The following ZNF564 variants were observed in gnomAD, a reference collection of about 807,000 sequenced individuals.
ZNF564 encodes zinc finger protein 564.
ZNF564 carries 5 observed loss-of-function variants against 10.5 expected under a neutral mutation model. That is an observed-to-expected ratio of 0.48 (90% confidence interval 0.25 to 1.00). The LOEUF (loss-of-function observed/expected upper bound fraction) is 1.00. Ranked by LOEUF, ZNF564 falls within the 50% of genes least tolerant of loss-of-function variation. ZNF564 has a pLI of 0.16. For missense variants in ZNF564, 603 were observed against 669.7 expected, an observed-to-expected ratio of 0.90 and a Z score of 1.10; for synonymous variants, 242 against 218.1, an observed-to-expected ratio of 1.11 and a Z score of -0.97.
chr19:12,531,225 T>C (rs980054422), intron 1 of ZNF564, among the ~76,000 whole-genome samples: 2 of 152,124 alleles, frequency 1.3e-5, no homozygotes, highest in African/African-American at 4.8e-5. Context: ...AACAACATGA[T>C]AGCTTCCCTA....
chr19:12,534,703 A>G (rs950412052), intron 1 of ZNF564, among the ~76,000 whole-genome samples: 1 of 152,170 alleles, frequency 6.6e-6, no homozygotes, highest in Middle Eastern at 3.4e-3. Flanking sequence ...AATCCCAGCT[A>G]CTCGAGAGGC....
At chr19:12,544,723 C>G (rs1294372747) in intron 1 of ZNF564, among the ~76,000 whole-genome samples, 1 of 152,224 alleles carries the variant, frequency 6.6e-6, no homozygotes, top group Non-Finnish European at 1.5e-5. Context: ...CCAACTAGAA[C>G]TCCCACAGAG....
chr19:12,535,089 C>T (rs2021883828), intron 1 of ZNF564, among the ~76,000 whole-genome samples: 2 of 152,088 alleles, frequency 1.3e-5, no homozygotes, highest in East Asian at 1.9e-4. Flanking sequence ...AAGTACGTCA[C>T]TGGGCCAGGT....
At chr19:12,534,248 G>A (rs1355436927) in intron 1 of ZNF564, among the ~76,000 whole-genome samples, 1 of 152,112 alleles carries the variant, frequency 6.6e-6, no homozygotes, top group Non-Finnish European at 1.5e-5. Flanking sequence ...GATTTAGAAG[G>A]AAGAAATAAA....
At chr19:12,535,635 G>T (rs933433914) in intron 1 of ZNF564, among the ~76,000 whole-genome samples, 1 of 152,134 alleles carries the variant, frequency 6.6e-6, no homozygotes, top group Non-Finnish European at 1.5e-5. Flanking sequence ...ATATACAATA[G>T]TCAACTCTAA....
At chr19:12,540,477 T>A (rs2145084584) in intron 1 of ZNF564, among the ~76,000 whole-genome samples, 1 of 152,238 alleles carries the variant, frequency 6.6e-6, no homozygotes, top group South Asian at 2.1e-4. Flanking sequence ...CCCAACACTT[T>A]GGGAGGCTGA....
intron 1 of ZNF564, among the ~76,000 whole-genome samples, chr19:12,535,096 A>G (rs2021883929): frequency 1.3e-5 from 2 of 152,178 alleles, no homozygotes; most frequent in East Asian, 1.9e-4. Context: ...TCACTGGGCC[A>G]GGTGTGGTGG....
chr19:12,543,740 G>A (rs762954939), intron 1 of ZNF564, among the ~76,000 whole-genome samples: 5 of 149,456 alleles, frequency 3.3e-5, no homozygotes, highest in Admixed American at 6.7e-5. Flanking sequence ...CAAAGACTTC[G>A]TACAGTACAC....
Position 12,539,240 on chromosome 19 carries a change from C to CAA in ZNF564, c.4-10546_4-10545dup, listed in dbSNP as rs760536256. On this transcript the variant is annotated intron_variant, in intron 1 of 3. Coordinates refer to ENST00000339282, the MANE Select transcript of ZNF564 (RefSeq NM_144976.4). ...TCGGTGACAGAACGAGACTCCATCT[C>CAA]AAAAAAAAAAAAAAAAAAATAGGGG... is the stretch of plus-strand genomic sequence containing the variant. Among the ~76,000 whole-genome samples, 36 of 52,032 alleles carry CAA rather than the reference C, an allele frequency of 6.9e-4. 1 individual carries two copies. The highest frequency in any genetic ancestry group is 1.8e-3 in the African/African-American group (30 of 16,836). 34.1% of individuals were successfully genotyped at this position (52,032 alleles called of 152,430 possible).
intron 1 of ZNF564, among the ~76,000 whole-genome samples, chr19:12,547,591 A>G (rs1351631252): frequency 1.3e-5 from 2 of 152,090 alleles, no homozygotes; most frequent in East Asian, 1.9e-4. Context: ...AACTATGCCT[A>G]TGTGTGCATC....
intron 1 of ZNF564, among the ~76,000 whole-genome samples, chr19:12,544,474 A>G (rs940590584): frequency 1.3e-5 from 2 of 152,208 alleles, no homozygotes; most frequent in African/African-American, 4.8e-5. Flanking sequence ...AGCAGGGCTT[A>G]GTCACCCTTA....
At position 12,533,062 on chromosome 19, in the gene ZNF564, C is replaced by A. The variant is rs2021839279; in HGVS notation, c.4-4366G>T. 2.6e-5 allele frequency: 4 copies of A among 152,258 alleles called. No individual in the cohort carries two copies. In the South Asian group the frequency reaches 8.3e-4, roughly 32 times the overall value. 9.4% of individuals were successfully genotyped at this position (152,258 alleles called of 1,614,324 possible). Reference sequence around the variant, plus strand: ...TACTTCATCTAACAATAGCAAAACACAAATTCTTCTCAAGTTCACAGGAAT... The same window carrying A: ...TACTTCATCTAACAATAGCAAAACAAAAATTCTTCTCAAGTTCACAGGAAT... On this transcript the variant is annotated intron_variant, in intron 1 of 3. Coordinates refer to ENST00000339282, the MANE Select transcript of ZNF564 (RefSeq NM_144976.4).
At chr19:12,541,256 A>G (rs1374795179) in intron 1 of ZNF564, among the ~76,000 whole-genome samples, 1 of 151,876 alleles carries the variant, frequency 6.6e-6, no homozygotes, top group Non-Finnish European at 1.5e-5. Context: ...CTGCCTCAAA[A>G]AACAAAAATA....
chr19:12,539,228 G>A (rs1434671987), intron 1 of ZNF564, among the ~76,000 whole-genome samples: 5 of 121,064 alleles, frequency 4.1e-5, no homozygotes, highest in East Asian at 5.0e-4. Flanking sequence ...GTGACAGAAC[G>A]AGACTCCATC....
At chr19:12,542,812 T>C (rs1199017714) in intron 1 of ZNF564, among the ~76,000 whole-genome samples, 1 of 151,754 alleles carries the variant, frequency 6.6e-6, no homozygotes, top group East Asian at 1.9e-4. Context: ...TACACCAGCC[T>C]GACCAACATA....
Position 12,541,800 on chromosome 19 carries a change from G to A in ZNF564, c.3+9530C>T, listed in dbSNP as rs576455659. Among the ~76,000 whole-genome samples, 13 of 145,688 alleles carry A rather than the reference G, an allele frequency of 8.9e-5. No individual in the cohort carries two copies. The South Asian group carries it at 2.9e-3, about 32-fold the overall frequency. ...GGAGGCCGAGGCAGGCGGATCACAT[G>A]GTCAGGAGATCAAGACCGTCCTGGC... is the stretch of plus-strand genomic sequence containing the variant. On this transcript the variant is annotated intron_variant, in intron 1 of 3. Coordinates refer to ENST00000339282, the MANE Select transcript of ZNF564 (RefSeq NM_144976.4).
At chr19:12,529,152 T>C (rs1005075700) in intron 1 of ZNF564, among the ~76,000 whole-genome samples, 2 of 152,236 alleles carry the variant, frequency 1.3e-5, no homozygotes, top group Non-Finnish European at 2.9e-5. Flanking sequence ...TAAATATGGT[T>C]GTCAGAATTC....
intron 1 of ZNF564, 87 bp downstream of exon 1, chr19:12,551,243 G>C (rs1021800422): frequency 6.2e-6 from 9 of 1,457,504 alleles, no homozygotes; most frequent in Non-Finnish European, 6.6e-6. Context: ...GTCGCTGCAG[G>C]GAGGCCAGGG....
At chr19:12,544,457 T>C (rs1051391630) in intron 1 of ZNF564, among the ~76,000 whole-genome samples, 32 of 152,214 alleles carry the variant, frequency 2.1e-4, no homozygotes, top group Admixed American at 2.1e-3. Flanking sequence ...AACTTTCTCA[T>C]ACCAGAAGCA....
Sources: allele counts gnomAD v4.1 joint callset (sites outside exome capture counted in the v4.1 genomes callset), GRCh38; gene constraint gnomAD v4.1.1; transcripts MANE v1.5; gene names NCBI Gene and HGNC (gene_info 2026-07-23, HGNC 2026-07-21).